Variants in EDA observed in about 807,000 individuals in gnomAD.
EDA encodes ectodysplasin A, also known as ectodysplasin-A.
EDA carries 2 observed loss-of-function variants against 23.6 expected under a neutral mutation model. That is an observed-to-expected ratio of 0.08 (90% confidence interval 0.03 to 0.27). The LOEUF (loss-of-function observed/expected upper bound fraction) is 0.27. Ranked by LOEUF, EDA falls within the 10% of genes least tolerant of loss-of-function variation. EDA has a pLI of 1.00. For synonymous variants in EDA, 131 were observed against 132.0 expected, an observed-to-expected ratio of 0.99 and a Z score of 0.05; for missense variants, 229 against 324.2, an observed-to-expected ratio of 0.71 and a Z score of 2.26.
At chrX:69,787,613 A>G in intron 1 of EDA, among the ~76,000 whole-genome samples, 1 of 110,108 alleles carries the variant, frequency 9.1e-6, no homozygotes, top group Non-Finnish European at 1.9e-5. Flanking sequence ...AATGTTGAAT[A>G]TTGGCCCCCA....
intron 1 of EDA, among the ~76,000 whole-genome samples, chrX:69,713,923 G>GT (rs58781092): frequency 0.047 from 4,653 of 99,567 alleles, 118 homozygotes; most frequent in Non-Finnish European, 0.07. Context: ...TGCATGTTTA[G>GT]TTTTTTTTTT....
At chrX:69,845,481 G>A (rs904146354) in intron 1 of EDA, among the ~76,000 whole-genome samples, 1 of 112,302 alleles carries the variant, frequency 8.9e-6, no homozygotes, top group African/African-American at 3.2e-5. Context: ...TAATGAGGAA[G>A]GACAATTAGC....
intron 1 of EDA, among the ~76,000 whole-genome samples, chrX:69,775,009 A>C (rs1285166136): frequency 9.0e-6 from 1 of 111,700 alleles, no homozygotes; most frequent in Non-Finnish European, 1.9e-5. Context: ...CCCAAGTAAA[A>C]TATTATGGGT....
intron 2 of EDA, among the ~76,000 whole-genome samples, chrX:69,967,658 A>G (rs893787206): frequency 1.8e-5 from 2 of 112,219 alleles, no homozygotes; most frequent in Non-Finnish European, 3.8e-5. Flanking sequence ...TTATTGCCTC[A>G]TTTAACTGCA....
chrX:69,964,426 A>C (rs772798399), intron 2 of EDA, among the ~76,000 whole-genome samples: 1 of 111,718 alleles, frequency 9.0e-6, no homozygotes, highest in South Asian at 3.7e-4. Context: ...AGGATAAGAA[A>C]AGATGTTGAA....
intron 1 of EDA, among the ~76,000 whole-genome samples, chrX:69,824,262 G>A (rs1452991746): frequency 3.6e-5 from 4 of 110,727 alleles, no homozygotes; most frequent in African/African-American, 1.3e-4. Flanking sequence ...GATGGGGATT[G>A]CATTGAATCT....
chrX:70,000,659 G>A (rs1012757885), intron 2 of EDA, among the ~76,000 whole-genome samples: 2 of 112,321 alleles, frequency 1.8e-5, no homozygotes, highest in African/African-American at 6.5e-5. Context: ...AGATGAATTT[G>A]TCTTTATTGA....
intron 1 of EDA, among the ~76,000 whole-genome samples, chrX:69,753,140 G>T (rs1296059077): frequency 9.0e-6 from 1 of 111,193 alleles, no homozygotes; most frequent in African/African-American, 3.3e-5. Flanking sequence ...GTTTGCTCTT[G>T]CTTCTCTAGT....
intron 1 of EDA, among the ~76,000 whole-genome samples, chrX:69,663,272 G>C (rs1933571268): frequency 8.9e-6 from 1 of 111,763 alleles, no homozygotes; most frequent in South Asian, 3.7e-4. Flanking sequence ...AATTGGTTTC[G>C]TGAGCCTGGG....
At chrX:69,903,166 T>C (rs2018122236) in intron 1 of EDA, among the ~76,000 whole-genome samples, 1 of 111,559 alleles carries the variant, frequency 9.0e-6, no homozygotes, top group African/African-American at 3.3e-5. Flanking sequence ...CAAGACCAAA[T>C]AGAATGTTTT....
Position 69,684,113 on chromosome X carries a change from A to C in EDA, c.396+67409A>C, listed in dbSNP as rs181287751. ...AAGATCCATGCACTTAAGCTCATGCATGTTACATAGTGTAAGATTCTGAGA... is the reference window on the plus strand; with the variant it reads ...AAGATCCATGCACTTAAGCTCATGCCTGTTACATAGTGTAAGATTCTGAGA... On this transcript the variant is annotated intron_variant, in intron 1 of 7. Coordinates refer to ENST00000374552, the MANE Select transcript of EDA (RefSeq NM_001399.5). 1.3e-3 allele frequency among the ~76,000 whole-genome samples: 143 copies of C among 112,422 alleles called. 1 individual carries two copies. The highest frequency in any genetic ancestry group is 4.4e-3 in the African/African-American group (137 of 31,022).
chrX:69,634,386 C>T (rs1336580517), intron 1 of EDA, among the ~76,000 whole-genome samples: 1 of 111,314 alleles, frequency 9.0e-6, no homozygotes, highest in African/African-American at 3.3e-5. Flanking sequence ...GATCTCGGCT[C>T]ACTGCGACCT....
At chrX:69,749,065 T>A (rs2013719094) in intron 1 of EDA, among the ~76,000 whole-genome samples, 1 of 89,086 alleles carries the variant, frequency 1.1e-5, no homozygotes, top group Admixed American at 1.3e-4. Context: ...ATTAGGTATA[T>A]CTCCCAGTGC....
intron 1 of EDA, among the ~76,000 whole-genome samples, chrX:69,662,377 T>C (rs947097193): frequency 3.6e-5 from 4 of 111,190 alleles, no homozygotes; most frequent in African/African-American, 1.3e-4. Flanking sequence ...TGAGATCTGA[T>C]GGTTTTATAA....
chrX:69,890,604 A>G (rs1475580231), intron 1 of EDA, among the ~76,000 whole-genome samples: 1 of 111,342 alleles, frequency 9.0e-6, no homozygotes, highest in Non-Finnish European at 1.9e-5. Context: ...CTGCACATCT[A>G]CAACCATCTG....
At chrX:69,714,213 C>A (rs2012216501) in intron 1 of EDA, among the ~76,000 whole-genome samples, 1 of 110,833 alleles carries the variant, frequency 9.0e-6, no homozygotes, top group Non-Finnish European at 1.9e-5. Context: ...TCTCTGTGTC[C>A]TCTTTAGTTA....
At chrX:69,962,484 T>C (rs2019115777) in intron 2 of EDA, among the ~76,000 whole-genome samples, 1 of 112,202 alleles carries the variant, frequency 8.9e-6, no homozygotes, top group South Asian at 3.7e-4. Context: ...CAGGCTGGAG[T>C]GCAGTGGTGC....
chrX:69,886,973 GC>G (rs747770939), intron 1 of EDA, among the ~76,000 whole-genome samples: 1 of 112,135 alleles, frequency 8.9e-6, no homozygotes, highest in South Asian at 3.7e-4. Context: ...GCAAATGTGA[GC>G]CACCAAAGGA....
chrX:69,787,742 A>G (rs1569332208), intron 1 of EDA, among the ~76,000 whole-genome samples: 2 of 109,760 alleles, frequency 1.8e-5, no homozygotes, highest in Non-Finnish European at 3.8e-5. Context: ...CTTCATTTCA[A>G]CTTTGGTGAA....
Sources: gnomAD v4.1 joint callset for allele counts (sites outside exome capture counted in the v4.1 genomes callset) on GRCh38, gnomAD v4.1.1 for gene constraint, MANE v1.5 for transcripts, NCBI Gene and HGNC (gene_info 2026-07-23, HGNC 2026-07-21) for gene names.